CACNA2D3: variants seen among roughly 807,000 people sequenced by gnomAD.
CACNA2D3 encodes the protein calcium voltage-gated channel auxiliary subunit alpha2delta 3, also known as voltage-dependent calcium channel subunit alpha-2/delta-3.
CACNA2D3 carries 60 observed loss-of-function variants against 160.6 expected under a neutral mutation model. The ratio of observed to expected loss-of-function variants is 0.37; its 90% CI spans 0.30 to 0.46. The LOEUF (loss-of-function observed/expected upper bound fraction) is 0.46. Among genes scored for constraint, CACNA2D3 ranks in the 20% least tolerant of loss-of-function variants. The pLI is 1.00. For synonymous variants in CACNA2D3, 558 were observed against 492.9 expected, an observed-to-expected ratio of 1.13 and a Z score of -1.75; for missense variants, 1,205 against 1,365.0, an observed-to-expected ratio of 0.88 and a Z score of 1.85.
intron 2 of CACNA2D3, among the ~76,000 whole-genome samples, chr3:54,237,911 A>G (rs1243664124): frequency 6.6e-6 from 1 of 152,198 alleles, no homozygotes; most frequent in Admixed American, 6.5e-5. Flanking sequence ...AACCAAGTTA[A>G]GCAGGTTTCT....
chr3:55,007,009 T>C (rs1178439045), intron 32 of CACNA2D3, among the ~76,000 whole-genome samples: 1 of 152,162 alleles, frequency 6.6e-6, no homozygotes, highest in African/African-American at 2.4e-5. Flanking sequence ...TGTCTGTCTC[T>C]CAAGTTCACC....
At chr3:54,265,569 ATATATAGT>A (rs1446394198) in intron 2 of CACNA2D3, among the ~76,000 whole-genome samples, 5,554 of 144,418 alleles carry the variant, frequency 0.038, 367 homozygotes, top group African/African-American at 0.12. Flanking sequence ...TAGTGTGTAT[ATATATAGT>A]GTGTGTATAT....
At chr3:54,260,506 A>G (rs1223134545) in intron 2 of CACNA2D3, among the ~76,000 whole-genome samples, 2 of 152,140 alleles carry the variant, frequency 1.3e-5, no homozygotes, top group African/African-American at 4.8e-5. Context: ...GCCACCAGTC[A>G]TATAATGAAG....
intron 27 of CACNA2D3, among the ~76,000 whole-genome samples, chr3:54,917,350 A>G (rs1367094230): frequency 6.6e-6 from 1 of 152,180 alleles, no homozygotes; most frequent in East Asian, 1.9e-4. Flanking sequence ...ACCATGGCCT[A>G]AATAACATTG....
chr3:55,035,948 A>G (rs1703807098), intron 35 of CACNA2D3, among the ~76,000 whole-genome samples: 1 of 152,192 alleles, frequency 6.6e-6, no homozygotes, highest in African/African-American at 2.4e-5. Flanking sequence ...AATTCAAGAG[A>G]AAGGTCTTGA....
intron 2 of CACNA2D3, among the ~76,000 whole-genome samples, chr3:54,184,232 G>T (rs922712728): frequency 2.6e-5 from 4 of 152,212 alleles, no homozygotes; most frequent in Non-Finnish European, 4.4e-5. Context: ...AACATTTGGC[G>T]CACACTTGAC....
intron 4 of CACNA2D3, among the ~76,000 whole-genome samples, chr3:54,400,252 C>T (rs1026382531): frequency 8.4e-4 from 127 of 151,140 alleles, no homozygotes; most frequent in Middle Eastern, 6.8e-3. Flanking sequence ...GCAGAAATCA[C>T]CCGTCTTCTG....
chr3:54,791,513 A>C (rs1702757553), intron 13 of CACNA2D3, among the ~76,000 whole-genome samples: 1 of 152,232 alleles, frequency 6.6e-6, no homozygotes, highest in Non-Finnish European at 1.5e-5. Flanking sequence ...TTATGACTCT[A>C]GCTTTTAACC....
intron 4 of CACNA2D3, among the ~76,000 whole-genome samples, chr3:54,393,714 A>G (rs1034012108): frequency 1.3e-5 from 2 of 152,218 alleles, no homozygotes; most frequent in Admixed American, 6.5e-5. Context: ...AAATGGAGCC[A>G]TAGCCAGACT....
At chr3:55,067,741 A>ATACATACATACATACT (rs1173837602) in intron 35 of CACNA2D3, among the ~76,000 whole-genome samples, 1 of 152,162 alleles carries the variant, frequency 6.6e-6, no homozygotes, top group Non-Finnish European at 1.5e-5. Context: ...ACATACATAC[A>ATACATACATACATACT]TACATAAAGA....
At chr3:54,992,609 C>A (rs572413492) in intron 31 of CACNA2D3, among the ~76,000 whole-genome samples, 26 of 152,130 alleles carry the variant, frequency 1.7e-4, no homozygotes, top group African/African-American at 6.3e-4. Context: ...CCGTCTCTTC[C>A]TAGAGGGAAG....
At chr3:54,228,025 C>A (rs945605675) in intron 2 of CACNA2D3, among the ~76,000 whole-genome samples, 1 of 152,162 alleles carries the variant, frequency 6.6e-6, no homozygotes, top group African/African-American at 2.4e-5. Flanking sequence ...TGCATGGTCT[C>A]GGTCCAGCAG....
intron 2 of CACNA2D3, among the ~76,000 whole-genome samples, chr3:54,142,081 C>T (rs916888297): frequency 6.6e-5 from 10 of 152,190 alleles, no homozygotes; most frequent in African/African-American, 2.2e-4. Context: ...CTTGCCAAGG[C>T]ATGATTCTTT....
At chr3:54,318,432 T>G (rs754315428) in intron 2 of CACNA2D3, among the ~76,000 whole-genome samples, 4 of 152,170 alleles carry the variant, frequency 2.6e-5, no homozygotes, top group Non-Finnish European at 5.9e-5. Flanking sequence ...TAGGACCATG[T>G]AAAGCAGTTC....
rs1016722141 is a variant in CACNA2D3, at chr3:55,004,884, T to C, written c.2766+46T>C. ...CAGAAAACAGCCACACATTTCTGTCTTTCTCCCTGTCTGAGTGTTATCTTC... is the reference window on the plus strand; with the variant it reads ...CAGAAAACAGCCACACATTTCTGTCCTTCTCCCTGTCTGAGTGTTATCTTC... On this transcript the variant is annotated intron_variant, in intron 32 of 37. Transcript: ENST00000474759. 3.2e-5 allele frequency: 42 copies of C among 1,323,876 alleles called. No homozygotes were observed. The African/African-American group carries it at 5.7e-4, about 18-fold the overall frequency. 82.0% of individuals were successfully genotyped at this position (1,323,876 alleles called of 1,614,324 possible). A position where few individuals can be genotyped will look rare whatever the true frequency, so the allele number is the denominator to read the frequency against.
rs1217898723 is a variant in CACNA2D3 at position 54,809,311 on chromosome 3, C to CTTTTTTTTTTTTT, written c.1381-7536_1381-7524dup. On this transcript the variant is annotated intron_variant, in intron 13 of 37. Transcript: ENST00000474759. Reference sequence around the variant, plus strand: ...TCTTTCTTTCCTTCCTTCCTTCTTTCTTTTTTTTTTTTTTTTTTGAGACGG... The same window carrying CTTTTTTTTTTTTT: ...TCTTTCTTTCCTTCCTTCCTTCTTTCTTTTTTTTTTTTTTTTTTTTTTTTTTTTTTTGAGACGG... 3.2e-3 allele frequency among the ~76,000 whole-genome samples: 255 copies of CTTTTTTTTTTTTT among 80,710 alleles called. 13 individuals carry two copies. The highest frequency in any genetic ancestry group is 0.013 in the East Asian group (28 of 2,200). The allele number at this position is 80,710 out of a possible 152,430, so 52.9% of individuals were successfully genotyped here.
intron 13 of CACNA2D3, among the ~76,000 whole-genome samples, chr3:54,805,405 C>T (rs928643466): frequency 6.6e-6 from 1 of 151,912 alleles, no homozygotes; most frequent in Non-Finnish European, 1.5e-5. Flanking sequence ...AAACTACCAT[C>T]AGAGAATACT....
chr3:54,549,578 G>C (rs1042713767), intron 5 of CACNA2D3, among the ~76,000 whole-genome samples: 1 of 152,210 alleles, frequency 6.6e-6, no homozygotes, highest in Non-Finnish European at 1.5e-5. Context: ...AGCCGTGACT[G>C]TGTAGTGACG....
intron 11 of CACNA2D3, among the ~76,000 whole-genome samples, chr3:54,724,598 A>T (rs570903438): frequency 2.0e-5 from 3 of 152,298 alleles, no homozygotes; most frequent in Admixed American, 2.0e-4. Flanking sequence ...CAAACTCTAG[A>T]ACTCAGGATT....
Sources: allele counts gnomAD v4.1 joint callset (sites outside exome capture counted in the v4.1 genomes callset), GRCh38; gene constraint gnomAD v4.1.1; transcripts MANE v1.5; gene names NCBI Gene and HGNC (gene_info 2026-07-23, HGNC 2026-07-21).